The following MNDA variants were observed in gnomAD, a reference collection of about 807,000 sequenced individuals.
MNDA encodes the protein epididymis secretory sperm binding protein.
In MNDA, 43 loss-of-function variants were observed where a neutral mutation model predicts 37.8. The observed-to-expected ratio is 1.14, with a 90% CI of 0.89 to 1.47. The LOEUF (loss-of-function observed/expected upper bound fraction) is 1.47, where lower values mean the gene tolerates loss of function less well. Among genes scored for constraint, MNDA ranks in the 40% most tolerant of loss-of-function variants. The probability of loss-of-function intolerance (pLI) is 0.00; values close to 1 mark genes in which losing one functional copy is unlikely to be tolerated. For missense variants in MNDA, 536 were observed against 476.0 expected (o/e 1.13, Z -1.17); for synonymous variants, 181 against 169.0 (o/e 1.07, Z -0.55).
chr1:158,843,555 T>A, intron 3 of MNDA, 140 bp downstream of exon 3: 1 of 925,542 alleles, frequency 1.1e-6, no homozygotes, highest in Non-Finnish European at 1.5e-6. Context: ...GAGTAAAGAG[T>A]TAGGTATCGT....
intron 2 of MNDA, 26 bp downstream of exon 2, chr1:158,842,444 C>G (rs763685795): frequency 1.1e-5 from 17 of 1,586,840 alleles, no homozygotes; most frequent in Non-Finnish European, 1.3e-5. Flanking sequence ...TTGCACATAG[C>G]TACTCTGCCT....
chr1:158,843,648 C>T (rs1659074256), intron 3 of MNDA, among the ~76,000 whole-genome samples: 1 of 152,186 alleles, frequency 6.6e-6, no homozygotes, highest in African/African-American at 2.4e-5. Flanking sequence ...ATTGGATATA[C>T]ATCTTGCCCA....
chr1:158,848,254 A>G (rs1438572212), intron 6 of MNDA, among the ~76,000 whole-genome samples: 1 of 152,212 alleles, frequency 6.6e-6, no homozygotes, highest in Non-Finnish European at 1.5e-5. Flanking sequence ...TTGGGGAAAC[A>G]GTTTCATTGG....
At chr1:158,845,360 C>T (rs1289491820) in intron 4 of MNDA, among the ~76,000 whole-genome samples, 3 of 152,122 alleles carry the variant, frequency 2.0e-5, no homozygotes, top group Non-Finnish European at 4.4e-5. Flanking sequence ...GCCTCAGCCT[C>T]CCGAGTAGCT....
intron 3 of MNDA, 76 bp from the exon 4 acceptor site, chr1:158,843,879 G>A: frequency 1.5e-6 from 2 of 1,310,080 alleles, no homozygotes; most frequent in Non-Finnish European, 2.1e-6. Flanking sequence ...TTACTATGTT[G>A]TAATGAAAAA....
At chr1:158,839,164 T>C (rs1408473520) in intron 1 of MNDA, among the ~76,000 whole-genome samples, 1 of 152,110 alleles carries the variant, frequency 6.6e-6, no homozygotes, top group East Asian at 1.9e-4. Context: ...TGTTGAAAAC[T>C]GGACATTTGT....
In MNDA at chr1:158,832,222, T is replaced by C. The variant is rs1658818015; in HGVS notation, c.-21+665T>C. Among the ~76,000 whole-genome samples the C allele has an allele frequency of 2.6e-5, 4 of 152,106 alleles. No individual in the cohort carries two copies. The East Asian group carries it at 7.7e-4, about 29-fold the overall frequency. On this transcript the variant is annotated intron_variant, in intron 1 of 6. Transcript: ENST00000368141. ...CAATTATATATTTCCTACTTTGGGA[T>C]ACATTTTGACTTTTTTATGGCTTTG...
intron 4 of MNDA, among the ~76,000 whole-genome samples, chr1:158,845,230 GTTTGT>G (rs1659108781): frequency 7.9e-6 from 1 of 127,182 alleles, no homozygotes. Context: ...TTGTTTGTTT[GTTTGT>G]TTGTTTGTTT....
chr1:158,842,468 T>C, intron 2 of MNDA, 50 bp downstream of exon 2: 6 of 1,549,706 alleles, frequency 3.9e-6, no homozygotes, highest in Non-Finnish European at 5.2e-6. Context: ...GTCTCCCCAG[T>C]CTTCAGTAGA....
At chr1:158,836,733 A>AT (rs1658923929) in intron 1 of MNDA, among the ~76,000 whole-genome samples, 1 of 149,594 alleles carries the variant, frequency 6.7e-6, no homozygotes, top group African/African-American at 2.5e-5. Context: ...TCTAATTTTT[A>AT]TTTTTTCCTT....
Position 158,842,127 on chromosome 1 carries a change from T to C in MNDA, c.-20-7T>C. 2 of 1,574,198 alleles carry C rather than the reference T, an allele frequency of 1.3e-6. No individual in the cohort carries two copies. Among genetic ancestry groups the C allele is most frequent in the Non-Finnish European group, 1.7e-6 (2 of 1,163,130 alleles). On this transcript the variant is annotated splice_region_variant and splice_polypyrimidine_tract_variant and intron_variant, in intron 1 of 6. Coordinates refer to ENST00000368141, the MANE Select transcript of MNDA (RefSeq NM_002432.3). ...GTGTAATGTTGTGTGTCATTTTTACTTTATAGGCCAAGCTATAACATCAGA... is the reference window on the plus strand; with the variant it reads ...GTGTAATGTTGTGTGTCATTTTTACCTTATAGGCCAAGCTATAACATCAGA...
chr1:158,836,536 A>T (rs1166722678), intron 1 of MNDA, among the ~76,000 whole-genome samples: 1 of 151,892 alleles, frequency 6.6e-6, no homozygotes, highest in Admixed American at 6.6e-5. Context: ...TGTTCAAAGT[A>T]TTCTCTTTAT....
At position 158,845,795 on chromosome 1, in the gene MNDA, T is replaced by G. The variant is rs1196654731; in HGVS notation, c.779T>G (p.Phe260Cys). Residue 260 changes from phenylalanine (F) to cysteine (C), a missense_variant, in exon 5 of 7, where the codon TTT (phenylalanine) becomes TGT (cysteine). By Grantham distance (205) the Phe-to-Cys change is radical (BLOSUM62 -2). Transcript: ENST00000368141. ...KVFDINLKEKFVRKKVITISD... is the reference protein window; with the variant it reads ...KVFDINLKEKCVRKKVITISD... ...TTCGACATCAACTTGAAAGAGAAAT[T>G]TGTAAGGAAGAAGGTCATTACCATA... 5 of 1,614,010 alleles carry G rather than the reference T, an allele frequency of 3.1e-6. No homozygotes were observed. Among genetic ancestry groups the G allele is most frequent in the Non-Finnish European group, 3.4e-6 (4 of 1,179,962 alleles).
chr1:158,844,720 C>T (rs1324871048), intron 4 of MNDA, among the ~76,000 whole-genome samples: 1 of 151,626 alleles, frequency 6.6e-6, no homozygotes, highest in Non-Finnish European at 1.5e-5. Context: ...CTCAAAATGG[C>T]AGAGTACACT....
intron 4 of MNDA, 41 bp downstream of exon 4, chr1:158,844,163 C>G: frequency 6.9e-7 from 1 of 1,458,464 alleles, no homozygotes; most frequent in Non-Finnish European, 9.2e-7. Flanking sequence ...TTTTTTAACC[C>G]AGTCACAGTG....
At chr1:158,840,476 T>G (rs1659009881) in intron 1 of MNDA, among the ~76,000 whole-genome samples, 1 of 152,128 alleles carries the variant, frequency 6.6e-6, no homozygotes, top group African/African-American at 2.4e-5. Flanking sequence ...AAGATGATAT[T>G]TCAAGATGAG....
At chr1:158,837,224 A>T (rs1658934583) in intron 1 of MNDA, among the ~76,000 whole-genome samples, 2 of 151,736 alleles carry the variant, frequency 1.3e-5, no homozygotes, top group African/African-American at 4.8e-5. Flanking sequence ...TTGGTCTATA[A>T]GTGGTCTATA....
At chr1:158,841,259 A>C (rs1326906002) in intron 1 of MNDA, among the ~76,000 whole-genome samples, 2 of 152,200 alleles carry the variant, frequency 1.3e-5, no homozygotes, top group African/African-American at 2.4e-5. Context: ...AGACACACAC[A>C]AAAAGAAAGA....
At chr1:158,840,414 A>G (rs1659007732) in intron 1 of MNDA, among the ~76,000 whole-genome samples, 1 of 152,142 alleles carries the variant, frequency 6.6e-6, no homozygotes, top group Non-Finnish European at 1.5e-5. Flanking sequence ...AGCAGGGGAA[A>G]TGCCTGATGT....
Sources: gnomAD v4.1 joint callset for allele counts (sites outside exome capture counted in the v4.1 genomes callset) on GRCh38, gnomAD v4.1.1 for gene constraint, MANE v1.5 for transcripts, NCBI Gene and HGNC (gene_info 2026-07-23, HGNC 2026-07-21) for gene names.